Variants in RAB39A observed in about 807,000 individuals in gnomAD.
RAB39A encodes the protein RAB39A, member RAS oncogene family.
A neutral mutation model predicts 20.9 loss-of-function variants in RAB39A; 17 were observed. The ratio of observed to expected loss-of-function variants is 0.81; its 90% CI spans 0.56 to 1.22. The LOEUF (loss-of-function observed/expected upper bound fraction) is 1.22, where lower values mean the gene tolerates loss of function less well. RAB39A is among the 50% of genes most tolerant of loss of function. The pLI is 0.00. For synonymous variants in RAB39A, 99 were observed against 103.4 expected, an observed-to-expected ratio of 0.96 and a Z score of 0.26; for missense variants, 234 against 270.5, an observed-to-expected ratio of 0.87 and a Z score of 0.95.
intron 1 of RAB39A, among the ~76,000 whole-genome samples, chr11:107,936,921 G>A (rs1391974194): frequency 2.2e-5 from 3 of 139,196 alleles, no homozygotes; most frequent in East Asian, 2.2e-4. Flanking sequence ...GTGACAGAGC[G>A]AGACTCCCCC....
chr11:107,951,644 C>A (rs556410804), intron 1 of RAB39A, among the ~76,000 whole-genome samples: 3 of 110,936 alleles, frequency 2.7e-5, no homozygotes, highest in African/African-American at 1.1e-4. Flanking sequence ...TTTGGAGACA[C>A]GGTCTCAATC....
intron 1 of RAB39A, among the ~76,000 whole-genome samples, chr11:107,955,658 G>C (rs899962283): frequency 6.6e-6 from 1 of 152,142 alleles, no homozygotes; most frequent in Non-Finnish European, 1.5e-5. Flanking sequence ...GACCAACATG[G>C]AGAAATCCCA....
intron 1 of RAB39A, among the ~76,000 whole-genome samples, chr11:107,951,420 T>A (rs1298590561): frequency 6.6e-6 from 1 of 152,136 alleles, no homozygotes; most frequent in Non-Finnish European, 1.5e-5. Context: ...TCAAAGTACT[T>A]TTGTCCTCTA....
At chr11:107,943,754 A>G (rs1861282451) in intron 1 of RAB39A, among the ~76,000 whole-genome samples, 1 of 152,160 alleles carries the variant, frequency 6.6e-6, no homozygotes, top group South Asian at 2.1e-4. Context: ...ACAGACTGCC[A>G]AGATATGGCA....
intron 1 of RAB39A, among the ~76,000 whole-genome samples, chr11:107,957,985 G>A (rs1251742173): frequency 6.6e-6 from 1 of 151,828 alleles, no homozygotes; most frequent in African/African-American, 2.4e-5. Flanking sequence ...TCTGCCTCCT[G>A]GGTTCAAGCA....
At chr11:107,958,029 C>T (rs1305347150) in intron 1 of RAB39A, among the ~76,000 whole-genome samples, 1 of 152,030 alleles carries the variant, frequency 6.6e-6, no homozygotes, top group Non-Finnish European at 1.5e-5. Flanking sequence ...GTAGCTTGGA[C>T]TACAGGCATG....
intron 1 of RAB39A, among the ~76,000 whole-genome samples, chr11:107,954,136 A>T (rs974946085): frequency 6.6e-6 from 1 of 152,186 alleles, no homozygotes; most frequent in Admixed American, 6.5e-5. Flanking sequence ...ATGGTCCCCC[A>T]GAGTAAGGTA....
At position 107,945,310 on chromosome 11, in the gene RAB39A, C is replaced by T. The variant is rs1289857707; in HGVS notation, c.227+16515C>T. On this transcript the variant is annotated intron_variant, in intron 1 of 1. Transcript: ENST00000320578. Reference sequence around the variant, plus strand: ...CCAGCCTGGCAACACAGCAAAACCCCGTCTCTACAAAAAAAAAAAAAAAAA... The same window carrying T: ...CCAGCCTGGCAACACAGCAAAACCCTGTCTCTACAAAAAAAAAAAAAAAAA... Among the ~76,000 whole-genome samples the T allele has an allele frequency of 7.8e-5, 10 of 128,090 alleles. No individual in the cohort carries two copies. In the South Asian group the frequency reaches 1.2e-3, roughly 15 times the overall value. 84.0% of individuals were successfully genotyped at this position (128,090 alleles called of 152,430 possible).
chr11:107,958,993 G>A (rs764164667), intron 1 of RAB39A, among the ~76,000 whole-genome samples: 34 of 151,832 alleles, frequency 2.2e-4, no homozygotes, highest in Admixed American at 1.4e-3. Flanking sequence ...GGTGGTGGGC[G>A]CCTGTAATCC....
intron 1 of RAB39A, among the ~76,000 whole-genome samples, chr11:107,952,887 A>C (rs1416456410): frequency 6.6e-6 from 1 of 152,234 alleles, no homozygotes; most frequent in Admixed American, 6.5e-5. Context: ...GTCTCAAAAA[A>C]ATAAATAAAA....
At chr11:107,955,162 A>G (rs576678790) in intron 1 of RAB39A, among the ~76,000 whole-genome samples, 8 of 151,608 alleles carry the variant, frequency 5.3e-5, no homozygotes, top group African/African-American at 1.9e-4. Context: ...ATGCCCGGCT[A>G]ATTTTTTTGT....
rs1468970130 is a variant in RAB39A at position 107,962,527 on chromosome 11, C to G, written c.*155C>G. On this transcript the variant is annotated 3_prime_UTR_variant, in exon 2 of 2. Transcript: ENST00000320578. Reference sequence around the variant, plus strand: ...AAGGTATTTGATTCAGAGCATGATGCTTACTTGTTACACTACTAGATTGGG... The same window carrying G: ...AAGGTATTTGATTCAGAGCATGATGGTTACTTGTTACACTACTAGATTGGG... 5 of 701,982 alleles carry G rather than the reference C, an allele frequency of 7.1e-6. No individual in the cohort carries two copies. The highest frequency in any genetic ancestry group is 6.6e-6 in the Non-Finnish European group (3 of 451,976). The allele number at this position is 701,982 out of a possible 1,614,324, so 43.5% of individuals were successfully genotyped here.
At chr11:107,953,718 A>G (rs1321484981) in intron 1 of RAB39A, among the ~76,000 whole-genome samples, 1 of 152,126 alleles carries the variant, frequency 6.6e-6, no homozygotes, top group Non-Finnish European at 1.5e-5. Flanking sequence ...CCATCACCCT[A>G]TTTTCACCCT....
rs148013529 is a variant in RAB39A, at chr11:107,933,764, G to A, written c.227+4969G>A. Among the ~76,000 whole-genome samples, 442 of 151,370 alleles carry A rather than the reference G, an allele frequency of 2.9e-3. 2 individuals are homozygous for A. The highest frequency in any genetic ancestry group is 0.01 in the African/African-American group (422 of 41,242). On this transcript the variant is annotated intron_variant, in intron 1 of 1. Transcript: ENST00000320578. ...CAACCTCTGCCTTCCAGGTCCAAGC[G>A]ATTCTCCTGCCTCAGCCTCCTGAGT...
At chr11:107,950,125 A>G (rs1462118232) in intron 1 of RAB39A, among the ~76,000 whole-genome samples, 1 of 151,770 alleles carries the variant, frequency 6.6e-6, no homozygotes, top group Non-Finnish European at 1.5e-5. Context: ...ACTTGCAGTG[A>G]GCCGAGATCG....
chr11:107,944,677 G>A lies in RAB39A; in HGVS notation c.227+15882G>A, dbSNP rs557570289. On this transcript the variant is annotated intron_variant, in intron 1 of 1. Coordinates refer to ENST00000320578, the MANE Select transcript of RAB39A (RefSeq NM_017516.3). The stretch of plus-strand genomic sequence containing the variant: ...TGGGATTATAGCCGTGAGCCACCGC[G>A]CCAGGCCAGAAAGAAAATAATCAAA... 5.3e-5 allele frequency among the ~76,000 whole-genome samples: 8 copies of A among 152,090 alleles called. No homozygotes were observed. In the South Asian group the frequency reaches 8.3e-4, roughly 16 times the overall value.
At position 107,945,898 on chromosome 11, in the gene RAB39A, T is replaced by G. The variant is rs377106791; in HGVS notation, c.228-16048T>G. ...GGGCTTTAAGTGAATGTTGTTATGT[T>G]GGATGCTAAAACTGTCTAGCCCCCT... is the stretch of plus-strand genomic sequence containing the variant. On this transcript the variant is annotated intron_variant, in intron 1 of 1. Transcript: ENST00000320578. Among the ~76,000 whole-genome samples, 206 of 152,288 alleles carry G rather than the reference T, an allele frequency of 1.4e-3. 1 individual carries two copies. Among genetic ancestry groups the G allele is most frequent in the South Asian group, 7.9e-3 (38 of 4,818 alleles).
chr11:107,937,484 A>G (rs546354544), intron 1 of RAB39A, among the ~76,000 whole-genome samples: 10 of 152,212 alleles, frequency 6.6e-5, no homozygotes, highest in South Asian at 6.2e-4. Context: ...TACAGATTTC[A>G]TGAAAGCAAA....
intron 1 of RAB39A, among the ~76,000 whole-genome samples, chr11:107,955,258 A>G (rs906048075): frequency 2.0e-5 from 3 of 152,010 alleles, no homozygotes; most frequent in Admixed American, 2.0e-4. Flanking sequence ...CAGCCTCCCA[A>G]AGTGCTGGGA....
Sources: gnomAD v4.1 joint callset for allele counts (sites outside exome capture counted in the v4.1 genomes callset) on GRCh38, gnomAD v4.1.1 for gene constraint, MANE v1.5 for transcripts, NCBI Gene and HGNC (gene_info 2026-07-23, HGNC 2026-07-21) for gene names.